NDRG1: variants seen among roughly 807,000 people sequenced by gnomAD.
NDRG1 encodes the protein protein NDRG1.
A neutral mutation model predicts 56.9 loss-of-function variants in NDRG1; 32 were observed. That is an observed-to-expected ratio of 0.56 (90% CI 0.42 to 0.76). NDRG1 has a LOEUF of 0.76. Among genes scored for constraint, NDRG1 ranks in the 30% least tolerant of loss-of-function variants. NDRG1 has a pLI of 0.00. For synonymous variants in NDRG1, 211 were observed against 204.1 expected (o/e 1.03, Z -0.29); for missense variants, 507 against 545.7 (o/e 0.93, Z 0.71).
At chr8:133,244,533 G>A (rs573463746) in intron 13 of NDRG1, 143 bp from the exon 14 acceptor site, 26 of 952,776 alleles carry the variant, frequency 2.7e-5, no homozygotes, top group African/African-American at 9.7e-5. Flanking sequence ...AGGGTGGACC[G>A]TGGGTAGGGA....
At chr8:133,291,169 G>A (rs532751190) in intron 1 of NDRG1, among the ~76,000 whole-genome samples, 1 of 152,164 alleles carries the variant, frequency 6.6e-6, no homozygotes, top group Non-Finnish European at 1.5e-5. Context: ...AACAGCAACT[G>A]GCCCAGATTC....
Position 133,239,013 on chromosome 8 carries a change from G to T in NDRG1, c.1050C>A (p.Thr350=). ...CCTCGCTGGTGTGGGAGCGGCTTCG[G>T]GTGCCCTCGCTGGTGTGGGAGCGGC... ...TRSRSHTSEG[T]RSRSHTSEGT... The change falls in exon 16 of 16, where the codon ACC becomes ACA. Residue 350 remains threonine, a synonymous_variant. Coordinates refer to ENST00000323851, the MANE Select transcript of NDRG1 (RefSeq NM_006096.4). 1 of 1,598,860 alleles carries T rather than the reference G, an allele frequency of 6.3e-7. No individual in the cohort carries two copies. The highest frequency in any genetic ancestry group is 8.5e-7 in the Non-Finnish European group (1 of 1,174,268).
intron 6 of NDRG1, chr8:133,258,847 A>G: frequency 1.9e-6 from 1 of 513,790 alleles, no homozygotes; most frequent in Non-Finnish European, 3.5e-6. Context: ...AAAGCTAAGG[A>G]CTCAGGCAAC....
intron 10 of NDRG1, chr8:133,249,223 T>TTTTTTTAATGATACGGCGA: frequency 3.9e-6 from 1 of 256,090 alleles, no homozygotes; most frequent in African/African-American, 2.2e-5. Flanking sequence ...GCCTCATCTT[T>TTTTTTTAATGATACGGCGA]CCATTCCCTG....
chr8:133,261,324 G>C (rs192951147), intron 5 of NDRG1, among the ~76,000 whole-genome samples: 84 of 152,126 alleles, frequency 5.5e-4, no homozygotes, highest in African/African-American at 2.0e-3. Context: ...CGGAGACAGG[G>C]TTTCACCATG....
chr8:133,274,158 G>A (rs2929996), intron 3 of NDRG1, among the ~76,000 whole-genome samples: 135,686 of 152,170 alleles, frequency 0.89, 60,858 homozygotes, highest in East Asian at 1. Context: ...CAAAGAGACC[G>A]CCTAAAGGCG....
intron 12 of NDRG1, among the ~76,000 whole-genome samples, chr8:133,247,144 A>G (rs559109057): frequency 2.0e-5 from 3 of 152,308 alleles, no homozygotes; most frequent in East Asian, 1.9e-4. Context: ...GAATACCCAT[A>G]TGTAACCCAG....
chr8:133,276,675 C>T (rs948449359), intron 3 of NDRG1, among the ~76,000 whole-genome samples: 8 of 152,242 alleles, frequency 5.3e-5, no homozygotes, highest in African/African-American at 1.9e-4. Context: ...GTAAGGCGTG[C>T]CTTGGTTCCT....
chr8:133,244,946 C>A (rs772970266), intron 13 of NDRG1, among the ~76,000 whole-genome samples: 5 of 152,142 alleles, frequency 3.3e-5, no homozygotes, highest in South Asian at 2.1e-4. Flanking sequence ...GACTGTGCAG[C>A]CAGCCTGGAA....
chr8:133,259,161 C>G lies in NDRG1; in HGVS notation c.389+7G>C, dbSNP rs1461384796. 2 of 1,613,950 alleles carry G rather than the reference C, an allele frequency of 1.2e-6. No homozygotes were observed. The highest frequency in any genetic ancestry group is 1.7e-6 in the Non-Finnish European group (2 of 1,179,820). ...AGACAGAGAAGGAGCTGATCCTTCG[C>G]TCTTACCCAAACTGTTGAAGGACTC... On this transcript the variant is annotated splice_region_variant and intron_variant, in intron 6 of 15. Transcript: ENST00000323851.
chr8:133,284,472 G>A lies in NDRG1; in HGVS notation c.-18-143C>T, dbSNP rs557008547. On this transcript the variant is annotated intron_variant, in intron 1 of 15. Coordinates refer to ENST00000323851, the MANE Select transcript of NDRG1 (RefSeq NM_006096.4). ...TCCCTCGTGATGCACTGCAGGGGAT[G>A]AGGAGGTCCCTTGTACACACAGCCC... 3 of 720,938 alleles carry A rather than the reference G, an allele frequency of 4.2e-6. No individual in the cohort carries two copies. The African/African-American group carries it at 5.2e-5, about 12-fold the overall frequency. 44.7% of individuals were successfully genotyped at this position (720,938 alleles called of 1,614,324 possible).
At chr8:133,255,489 C>T in intron 8 of NDRG1, 1 of 417,996 alleles carries the variant, frequency 2.4e-6, no homozygotes, top group Non-Finnish European at 4.9e-6. Flanking sequence ...TCAGGCTTCA[C>T]ATTAGCCAGT....
At chr8:133,273,094 C>T (rs1857276103) in intron 3 of NDRG1, among the ~76,000 whole-genome samples, 1 of 152,210 alleles carries the variant, frequency 6.6e-6, no homozygotes, top group Non-Finnish European at 1.5e-5. Context: ...GGTGCTGCCC[C>T]AGCCCCCTCC....
At chr8:133,244,774 A>C in intron 13 of NDRG1, 1 of 360,288 alleles carries the variant, frequency 2.8e-6, no homozygotes, top group Non-Finnish European at 5.3e-6. Flanking sequence ...GGTTTGATAA[A>C]CAAGACCCTC....
chr8:133,263,687 G>A (rs935876839), intron 4 of NDRG1, among the ~76,000 whole-genome samples: 3 of 152,120 alleles, frequency 2.0e-5, no homozygotes, highest in Admixed American at 1.3e-4. Flanking sequence ...AGGTGGAGGT[G>A]GGTGGATCAC....
intron 4 of NDRG1, 136 bp from the exon 5 acceptor site, chr8:133,262,303 T>C: frequency 8.4e-7 from 1 of 1,192,574 alleles, no homozygotes; most frequent in Non-Finnish European, 1.2e-6. Context: ...ACACAGATGT[T>C]GGCGTTTTTT....
At position 133,239,161 on chromosome 8, in the gene NDRG1, C is replaced by G. The variant is rs2233347; in HGVS notation, c.944-42G>C. ...CAGCCGGTTAGAGGGCAGGAGACTG[C>G]CAGGTGAGGAGCCAGGCATGCCCGT... On this transcript the variant is annotated intron_variant, in intron 15 of 15. Coordinates refer to ENST00000323851, the MANE Select transcript of NDRG1 (RefSeq NM_006096.4). The G allele has an allele frequency of 3.4e-3, 5,279 of 1,549,288 alleles. 154 individuals carry two copies. In the African/African-American group the frequency reaches 0.064, roughly 19 times the overall value.
rs914197276 is a variant in NDRG1, at chr8:133,238,563, C to T, written c.*315G>A. On this transcript the variant is annotated 3_prime_UTR_variant, in exon 16 of 16. Transcript: ENST00000323851. ...TAGGCTTGGCTTTGTGAAGTGTGTG[C>T]TGCTACGCGTCTTGTTTTTGGCAGT... The T allele has an allele frequency of 4.3e-6, 2 of 462,316 alleles. No individual in the cohort carries two copies. Among genetic ancestry groups the T allele is most frequent in the Middle Eastern group, 5.6e-4 (1 of 1,792 alleles). The allele number at this position is 462,316 out of a possible 1,614,324, so 28.6% of individuals were successfully genotyped here.
intron 12 of NDRG1, among the ~76,000 whole-genome samples, chr8:133,247,235 C>T (rs1055093598): frequency 1.3e-5 from 2 of 152,206 alleles, no homozygotes; most frequent in Non-Finnish European, 2.9e-5. Flanking sequence ...CCATGATTAT[C>T]TCCAGTCAGT....
Sources: gnomAD v4.1 joint callset for allele counts (sites outside exome capture counted in the v4.1 genomes callset) on GRCh38, gnomAD v4.1.1 for gene constraint, MANE v1.5 for transcripts, NCBI Gene and HGNC (gene_info 2026-07-23, HGNC 2026-07-21) for gene names.